TRAPPC11: variants seen among roughly 807,000 people sequenced by gnomAD.
TRAPPC11 encodes the protein trafficking protein particle complex subunit 11.
In TRAPPC11, 104 loss-of-function variants were observed where a neutral mutation model predicts 151.2. The ratio of observed to expected loss-of-function variants is 0.69; its 90% CI spans 0.59 to 0.81. The LOEUF is 0.81. Ranked by LOEUF, TRAPPC11 falls within the 30% of genes least tolerant of loss-of-function variation. The pLI is 0.00. For missense variants in TRAPPC11, 1,230 were observed against 1,349.6 expected (o/e 0.91, Z 1.39); for synonymous variants, 456 against 472.3 (o/e 0.97, Z 0.45).
Position 183,666,411 on chromosome 4 carries a change from G to A in TRAPPC11, c.359G>A (p.Arg120Lys), listed in dbSNP as rs367769488. Reference protein sequence around the residue: ...WKEKQSECATRVEIVRQSLQG... With the variant: ...WKEKQSECATKVEIVRQSLQG... ...GAAAAGCAGTCTGAGTGCGCCACCA[G>A]AGTGGAAATAGTCAGGTATGATCTT... is the stretch of plus-strand genomic sequence containing the variant. The change falls in exon 3 of 30, where the codon AGA becomes AAA. Residue 120 changes from arginine (R) to lysine (K), a missense_variant. Physicochemically the swap from Arg to Lys is conservative, Grantham distance 26. Transcript: ENST00000334690. 26 of 1,613,668 alleles carry A rather than the reference G, an allele frequency of 1.6e-5. No individual in the cohort carries two copies. The highest frequency in any genetic ancestry group is 2.1e-5 in the Non-Finnish European group (25 of 1,179,802).
chr4:183,659,955 C>A (rs1392056772), intron 1 of TRAPPC11, among the ~76,000 whole-genome samples: 1 of 152,090 alleles, frequency 6.6e-6, no homozygotes, highest in Non-Finnish European at 1.5e-5. Context: ...TTGATTGGGT[C>A]ACCTTTCTTA....
intron 5 of TRAPPC11, among the ~76,000 whole-genome samples, chr4:183,670,350 CAAGTT>C (rs1165546058): frequency 6.6e-6 from 1 of 152,130 alleles, no homozygotes. Flanking sequence ...AGGAGTTGTC[CAAGTT>C]AATGATTCGA....
Position 183,697,507 on chromosome 4 carries a change from A to G in TRAPPC11, c.2633A>G (p.Glu878Gly). ...KEIVCKCHKD[E>G]TVTIETVFPF... The stretch of plus-strand genomic sequence containing the variant: ...GCCCTTTACATTTTCTTGCAGGATG[A>G]AACTGTAACAATTGAAACAGTCTTT... The change falls in exon 24 of 30, where the codon GAA (glutamate) becomes GGA (glycine). Residue 878 changes from glutamate to glycine, a missense_variant. Glu to Gly is a moderately conservative substitution (Grantham distance 98, BLOSUM62 -2). Coordinates refer to ENST00000334690, the MANE Select transcript of TRAPPC11 (RefSeq NM_021942.6). The G allele has an allele frequency of 6.3e-7, 1 of 1,596,530 alleles. No homozygotes were observed. Among genetic ancestry groups the G allele is most frequent in the Non-Finnish European group, 8.5e-7 (1 of 1,176,226 alleles).
chr4:183,680,855 G>A (rs1382037634), intron 10 of TRAPPC11, among the ~76,000 whole-genome samples: 1 of 151,764 alleles, frequency 6.6e-6, no homozygotes, highest in Admixed American at 6.6e-5. Context: ...ACCACGCCTG[G>A]CTAATTTTTG....
intron 29 of TRAPPC11, among the ~76,000 whole-genome samples, chr4:183,710,432 G>A (rs189959569): frequency 0.029 from 4,438 of 151,796 alleles, 104 homozygotes; most frequent in South Asian, 0.074. Flanking sequence ...GACTACAAGC[G>A]CCTGCCACCA....
At position 183,705,027 on chromosome 4, in the gene TRAPPC11, G is replaced by T; in HGVS notation, c.3012G>T (p.Leu1004=). ...CCATCATCACAACTGTCATCACTCT[G>T]CCGCACGTGATTGTGGAGAATATCC... is the stretch of plus-strand genomic sequence containing the variant. ...NIPIITTVIT[L]PHVIVENIPL... The change falls in exon 27 of 30, where the codon CTG becomes CTT. Residue 1004 remains leucine, a synonymous_variant. Transcript: ENST00000334690. The T allele has an allele frequency of 2.5e-6, 4 of 1,601,184 alleles. No homozygotes were observed. The highest frequency in any genetic ancestry group is 3.4e-6 in the Non-Finnish European group (4 of 1,170,992).
At chr4:183,663,736 G>GTGTT in intron 1 of TRAPPC11, 111 bp from the exon 2 acceptor site, 2 of 387,674 alleles carry the variant, frequency 5.2e-6, no homozygotes, top group Non-Finnish European at 9.0e-6. Flanking sequence ...AATATGAGTT[G>GTGTT]TTTTTTTTTT....
At chr4:183,688,159 T>C (rs949623892) in intron 18 of TRAPPC11, among the ~76,000 whole-genome samples, 10 of 152,154 alleles carry the variant, frequency 6.6e-5, no homozygotes, top group Admixed American at 5.2e-4. Flanking sequence ...TTTAGGCATT[T>C]TGGGGACAAG....
At chr4:183,675,304 C>A in intron 7 of TRAPPC11, 67 bp downstream of exon 7, 1 of 997,946 alleles carries the variant, frequency 1.0e-6, no homozygotes, top group South Asian at 2.3e-5. Flanking sequence ...ATGGAAATTT[C>A]TGAATCTCAG....
At position 183,667,230 on chromosome 4, in the gene TRAPPC11, G is replaced by A. The variant is rs1028776151; in HGVS notation, c.445+100G>A. On this transcript the variant is annotated intron_variant, in intron 4 of 29. Coordinates refer to ENST00000334690, the MANE Select transcript of TRAPPC11 (RefSeq NM_021942.6). Reference sequence around the variant, plus strand: ...GATGTTTAAATCTTTTATGCATTCAGTTATGGGGCTGATAGTATGTTAACT... The same window carrying A: ...GATGTTTAAATCTTTTATGCATTCAATTATGGGGCTGATAGTATGTTAACT... The A allele has an allele frequency of 1.8e-5, 15 of 844,610 alleles. No homozygotes were observed. The Middle Eastern group carries it at 9.9e-4, about 56-fold the overall frequency. The allele number at this position is 844,610 out of a possible 1,614,324, so 52.3% of individuals were successfully genotyped here. A position where few individuals can be genotyped will look rare whatever the true frequency, so the allele number is the denominator to read the frequency against.
At chr4:183,705,104 AC>A in intron 27 of TRAPPC11, 34 bp downstream of exon 27, 2 of 1,370,734 alleles carry the variant, frequency 1.5e-6, no homozygotes, top group Non-Finnish European at 2.1e-6. Context: ...GATAAGAAGG[AC>A]CCAATAATAA....
intron 27 of TRAPPC11, among the ~76,000 whole-genome samples, chr4:183,706,243 G>T (rs567458353): frequency 6.6e-6 from 1 of 152,206 alleles, no homozygotes; most frequent in South Asian, 2.1e-4. Flanking sequence ...ATGATCCCTG[G>T]CTGGGCGCGG....
At chr4:183,695,342 GT>G (rs1196786615) in intron 23 of TRAPPC11, among the ~76,000 whole-genome samples, 1 of 152,104 alleles carries the variant, frequency 6.6e-6, no homozygotes, top group African/African-American at 2.4e-5. Flanking sequence ...CATATAGAGG[GT>G]TCTGGAGAAA....
At chr4:183,699,833 GT>G (rs928583640) in intron 25 of TRAPPC11, among the ~76,000 whole-genome samples, 75 of 144,608 alleles carry the variant, frequency 5.2e-4, no homozygotes, top group Middle Eastern at 3.6e-3. Flanking sequence ...ATGTTAATTG[GT>G]TTTTTTTTTT....
intron 29 of TRAPPC11, among the ~76,000 whole-genome samples, chr4:183,710,196 C>G (rs184534014): frequency 6.6e-6 from 1 of 152,148 alleles, no homozygotes; most frequent in Non-Finnish European, 1.5e-5. Flanking sequence ...AAACCTAATC[C>G]CAGCTAATGC....
chr4:183,702,111 A>C (rs983577393), intron 26 of TRAPPC11, among the ~76,000 whole-genome samples: 1 of 152,174 alleles, frequency 6.6e-6, no homozygotes, highest in African/African-American at 2.4e-5. Flanking sequence ...TCGTAGACCT[A>C]GGTGGGAGGA....
At chr4:183,693,774 T>C (rs371480711) in intron 21 of TRAPPC11, 37 bp downstream of exon 21, 1 of 1,608,274 alleles carries the variant, frequency 6.2e-7, no homozygotes, top group East Asian at 2.2e-5. Context: ...TCAGTATTAA[T>C]CCAACATTAA....
At chr4:183,684,388 A>G (rs1735858272) in intron 14 of TRAPPC11, 29 bp downstream of exon 14, 2 of 1,585,760 alleles carry the variant, frequency 1.3e-6, no homozygotes, top group Middle Eastern at 1.7e-4. Context: ...TTACTTTTAC[A>G]AGTATTTGGA....
intron 1 of TRAPPC11, among the ~76,000 whole-genome samples, chr4:183,661,580 C>T (rs1452332479): frequency 6.6e-6 from 1 of 151,644 alleles, no homozygotes; most frequent in Non-Finnish European, 1.5e-5. Context: ...ACCATGTTAG[C>T]CAGGATGGTC....
Sources: allele counts gnomAD v4.1 joint callset (sites outside exome capture counted in the v4.1 genomes callset), GRCh38; gene constraint gnomAD v4.1.1; transcripts MANE v1.5; gene names NCBI Gene and HGNC (gene_info 2026-07-23, HGNC 2026-07-21).